GPHN: variants seen among roughly 807,000 people sequenced by gnomAD.
GPHN encodes the protein gephyrin.
Under a neutral mutation model 95.5 loss-of-function variants are expected in GPHN, and 17 were observed. The observed-to-expected ratio is 0.18, with a 90% CI of 0.12 to 0.27. The LOEUF is 0.27. GPHN is among the 10% of genes least tolerant of loss of function. The pLI is 1.00. For missense variants in GPHN, 660 were observed against 978.1 expected, an observed-to-expected ratio of 0.67 and a Z score of 4.34; for synonymous variants, 320 against 322.5, an observed-to-expected ratio of 0.99 and a Z score of 0.08.
intron 4 of GPHN, among the ~76,000 whole-genome samples, chr14:66,847,767 G>T (rs531592169): frequency 6.6e-6 from 1 of 151,978 alleles, no homozygotes. Flanking sequence ...TGAAACTTTT[G>T]TGAAGTTTCA....
At chr14:67,268,986 C>T in the GPHN span, among the ~76,000 whole-genome samples, 10 of 152,182 alleles carry the variant, frequency 6.6e-5, no homozygotes, top group African/African-American at 2.4e-4. Flanking sequence ...TAATTTGCAT[C>T]ATTCCGCAAG....
intron 10 of GPHN, among the ~76,000 whole-genome samples, chr14:67,057,682 C>T (rs1312598765): frequency 6.6e-6 from 1 of 152,130 alleles, no homozygotes; most frequent in Non-Finnish European, 1.5e-5. Context: ...TTGCTTCCTT[C>T]CTTCCTTCCT....
the GPHN span, among the ~76,000 whole-genome samples, chr14:67,252,733 G>T: frequency 6.6e-6 from 1 of 152,150 alleles, no homozygotes; most frequent in African/African-American, 2.4e-5. Context: ...AAAAAAGCTC[G>T]GAATGGCACA....
At chr14:67,059,590 A>G (rs1394891677) in intron 11 of GPHN, among the ~76,000 whole-genome samples, 1 of 152,186 alleles carries the variant, frequency 6.6e-6, no homozygotes, top group Non-Finnish European at 1.5e-5. Context: ...TTTTTTTGTC[A>G]AGGAAACTCA....
chr14:67,290,021 C>G, the GPHN span, among the ~76,000 whole-genome samples: 1 of 152,222 alleles, frequency 6.6e-6, no homozygotes, highest in East Asian at 1.9e-4. Flanking sequence ...ATCCACCCGC[C>G]TTGGTCTCCC....
chr14:67,246,798 C>T, the GPHN span, among the ~76,000 whole-genome samples: 14 of 151,866 alleles, frequency 9.2e-5, no homozygotes, highest in African/African-American at 3.1e-4. Context: ...ATTATAAGCG[C>T]GCACCACCAC....
At chr14:67,085,703 A>T (rs1567308984) in intron 11 of GPHN, among the ~76,000 whole-genome samples, 1 of 152,216 alleles carries the variant, frequency 6.6e-6, no homozygotes, top group Admixed American at 6.5e-5. Context: ...TAGTGATAAC[A>T]TATACATAAC....
At chr14:67,232,202 T>C in the GPHN span, among the ~76,000 whole-genome samples, 2 of 152,066 alleles carry the variant, frequency 1.3e-5, no homozygotes, top group African/African-American at 2.4e-5. Flanking sequence ...AGCCCATAGT[T>C]TCTGTCTTTG....
chr14:67,351,778 C>T, the GPHN span, among the ~76,000 whole-genome samples: 1 of 151,988 alleles, frequency 6.6e-6, no homozygotes, highest in Non-Finnish European at 1.5e-5. Flanking sequence ...ACCTCGGCCT[C>T]CCAAAGTGTT....
At chr14:66,720,468 C>G (rs879311089) in intron 2 of GPHN, among the ~76,000 whole-genome samples, 1 of 152,152 alleles carries the variant, frequency 6.6e-6, no homozygotes, top group Non-Finnish European at 1.5e-5. Flanking sequence ...GCATGAGAAT[C>G]ACTTGAACAT....
the GPHN span, among the ~76,000 whole-genome samples, chr14:67,609,686 G>A: frequency 4.9e-3 from 744 of 152,252 alleles, 36 homozygotes; most frequent in East Asian, 0.082. Flanking sequence ...TGGTTGAAAG[G>A]GGCTCATTAT....
chr14:67,152,749 G>A (rs899702991), intron 18 of GPHN, among the ~76,000 whole-genome samples: 3 of 148,124 alleles, frequency 2.0e-5, no homozygotes, highest in East Asian at 2.0e-4. Flanking sequence ...GGCAGATCAC[G>A]AGGTCAGGAG....
At chr14:67,016,295 A>G (rs1220614748) in intron 9 of GPHN, among the ~76,000 whole-genome samples, 4 of 152,082 alleles carry the variant, frequency 2.6e-5, no homozygotes, top group African/African-American at 9.7e-5. Context: ...AATTCAAATC[A>G]TGATCAAAAT....
At chr14:67,423,640 C>G in the GPHN span, among the ~76,000 whole-genome samples, 1 of 152,176 alleles carries the variant, frequency 6.6e-6, no homozygotes, top group Non-Finnish European at 1.5e-5. Context: ...AACCTTGGCA[C>G]AGTCTGGAGA....
At chr14:67,412,631 C>A in the GPHN span, among the ~76,000 whole-genome samples, 1 of 152,032 alleles carries the variant, frequency 6.6e-6, no homozygotes, top group East Asian at 1.9e-4. Flanking sequence ...GCCCCCTGTC[C>A]GCAGGATATA....
At chr14:67,655,796 C>G in the GPHN span, among the ~76,000 whole-genome samples, 1 of 152,174 alleles carries the variant, frequency 6.6e-6, no homozygotes, top group Non-Finnish European at 1.5e-5. Flanking sequence ...GAGAATGCAG[C>G]CACTTTATCC....
chr14:66,678,969 G>A (rs1385745356), intron 1 of GPHN, among the ~76,000 whole-genome samples: 2 of 152,238 alleles, frequency 1.3e-5, no homozygotes, highest in Non-Finnish European at 2.9e-5. Flanking sequence ...TTGTGCACAG[G>A]CACTGGCAGT....
At chr14:67,074,221 C>A (rs1209062696) in intron 11 of GPHN, among the ~76,000 whole-genome samples, 1 of 150,064 alleles carries the variant, frequency 6.7e-6, no homozygotes, top group African/African-American at 2.5e-5. Flanking sequence ...AGGTTTGTGG[C>A]AGTCCTACAT....
intron 1 of GPHN, among the ~76,000 whole-genome samples, chr14:66,557,301 G>A (rs1031199911): frequency 7.3e-5 from 11 of 150,684 alleles, no homozygotes; most frequent in African/African-American, 2.5e-4. Flanking sequence ...TTTAATGAGC[G>A]CTAAGATATA....
Sources: gnomAD v4.1 joint callset for allele counts (sites outside exome capture counted in the v4.1 genomes callset) on GRCh38, gnomAD v4.1.1 for gene constraint, MANE v1.5 for transcripts, NCBI Gene and HGNC (gene_info 2026-07-23, HGNC 2026-07-21) for gene names.